The following SSB variants were observed in gnomAD, a reference collection of about 807,000 sequenced individuals.
The protein encoded by SSB is small RNA binding exonuclease protection factor La.
SSB carries 17 observed loss-of-function variants against 52.9 expected under a neutral mutation model. The ratio of observed to expected loss-of-function variants is 0.32; its 90% CI spans 0.22 to 0.48. The LOEUF (loss-of-function observed/expected upper bound fraction) is 0.48, where lower values mean the gene tolerates loss of function less well. Ranked by LOEUF, SSB falls within the 20% of genes least tolerant of loss-of-function variation. SSB has a pLI of 0.99. For missense variants in SSB, 314 were observed against 463.6 expected, an observed-to-expected ratio of 0.68 and a Z score of 2.96; for synonymous variants, 111 against 152.1, an observed-to-expected ratio of 0.73 and a Z score of 1.99.
intron 4 of SSB, 48 bp downstream of exon 4, chr2:169,805,887 G>A (rs1282473902): frequency 2.6e-6 from 4 of 1,544,698 alleles, no homozygotes; most frequent in Non-Finnish European, 3.5e-6. Flanking sequence ...TATTTAGAAA[G>A]TAAAGTACGG....
rs985359931 is a variant in SSB, at chr2:169,808,998, A to T, written c.669+96A>T. ...ACTTTTTCAAGAAAATACGTAAGCA[A>T]AGCTATCTATAGTTGTTATTGCATT... On this transcript the variant is annotated intron_variant, in intron 8 of 11. Coordinates refer to ENST00000260956, the MANE Select transcript of SSB (RefSeq NM_003142.5). 4 of 973,000 alleles carry T rather than the reference A, an allele frequency of 4.1e-6. No homozygotes were observed. In the African/African-American group the frequency reaches 6.4e-5, roughly 16 times the overall value. 60.3% of individuals were successfully genotyped at this position (973,000 alleles called of 1,614,324 possible).
chr2:169,804,801 C>G (rs980347151), intron 2 of SSB, among the ~76,000 whole-genome samples: 1 of 143,506 alleles, frequency 7.0e-6, no homozygotes, highest in Non-Finnish European at 1.5e-5. Context: ...GGATTACAGG[C>G]GTGCGGCACC....
At position 169,808,903 on chromosome 2, in the gene SSB, G is replaced by C; in HGVS notation, c.669+1G>C. The C allele has an allele frequency of 6.3e-7, 1 of 1,598,094 alleles. No individual in the cohort carries two copies. The highest frequency in any genetic ancestry group is 8.6e-7 in the Non-Finnish European group (1 of 1,165,982). On this transcript the variant is annotated splice_donor_variant, in intron 8 of 11. Transcript: ENST00000260956. LOFTEE classifies it high-confidence loss of function. ...AAAGTTAGAAGAAGATGCTGAAATG[G>C]TAAGTATATATTACTGCTATCTAGT...
At chr2:169,808,391 C>A in intron 6 of SSB, 91 bp from the exon 7 acceptor site, 2 of 971,722 alleles carry the variant, frequency 2.1e-6, no homozygotes, top group Non-Finnish European at 3.2e-6. Flanking sequence ...GTGCAACATT[C>A]ATTGCTGTGC....
At chr2:169,800,176 C>T (rs1278680085) in intron 1 of SSB, among the ~76,000 whole-genome samples, 1 of 152,114 alleles carries the variant, frequency 6.6e-6, no homozygotes, top group Non-Finnish European at 1.5e-5. Context: ...CATTTTTCAC[C>T]TTAAAGTTAT....
chr2:169,799,435 C>G (rs1239625172), intron 1 of SSB: 1 of 151,978 alleles, frequency 6.6e-6, no homozygotes, highest in Non-Finnish European at 1.5e-5. Context: ...AACTTTGGGC[C>G]GCAGATGTAC....
At chr2:169,803,264 A>C (rs1430799926) in intron 2 of SSB, among the ~76,000 whole-genome samples, 2 of 151,588 alleles carry the variant, frequency 1.3e-5, no homozygotes, top group Non-Finnish European at 2.9e-5. Flanking sequence ...TTATTTATTT[A>C]TTTATTTTTT....
In SSB at chr2:169,811,875, A is replaced by AT. The variant is rs34213273; in HGVS notation, c.*126dup. The AT allele has an allele frequency of 5.4e-4, 867 of 1,611,934 alleles. 5 individuals carry two copies. The African/African-American group carries it at 6.6e-3, about 12-fold the overall frequency. ...AATGTCCACCTGTGAGAAAGGAAAA[A>AT]TTTTTTTGTTGTTTAACTTGTCTTT... On this transcript the variant is annotated 3_prime_UTR_variant, in exon 12 of 12. Coordinates refer to ENST00000260956, the MANE Select transcript of SSB (RefSeq NM_003142.5).
intron 2 of SSB, among the ~76,000 whole-genome samples, chr2:169,803,176 G>A (rs1310348263): frequency 6.6e-6 from 1 of 152,126 alleles, no homozygotes; most frequent in African/African-American, 2.4e-5. Context: ...GGTGAAAAAT[G>A]CTGTCTCGTT....
At chr2:169,809,759 C>A (rs898076827) in intron 8 of SSB, among the ~76,000 whole-genome samples, 2 of 149,830 alleles carry the variant, frequency 1.3e-5, no homozygotes, top group African/African-American at 5.1e-5. Flanking sequence ...ACTACAGGCG[C>A]CTGCCACCAC....
At chr2:169,809,707 G>T (rs943912745) in intron 8 of SSB, among the ~76,000 whole-genome samples, 4 of 151,874 alleles carry the variant, frequency 2.6e-5, no homozygotes, top group African/African-American at 9.7e-5. Flanking sequence ...CCACCTCCCA[G>T]ATTCATGCCA....
At chr2:169,804,678 T>C (rs1441913542) in intron 2 of SSB, among the ~76,000 whole-genome samples, 2 of 152,086 alleles carry the variant, frequency 1.3e-5, no homozygotes, top group East Asian at 1.9e-4. Flanking sequence ...CCTGAGTAGC[T>C]GGGACTACAG....
At chr2:169,810,822 C>A in intron 9 of SSB, 36 bp from the exon 10 acceptor site, 1 of 1,553,622 alleles carries the variant, frequency 6.4e-7, no homozygotes, top group South Asian at 1.2e-5. Flanking sequence ...GACTAAAAAC[C>A]AAGGGTATGG....
At chr2:169,805,324 AT>A (rs1689807295) in intron 2 of SSB, 149 bp from the exon 3 acceptor site, 2 of 580,132 alleles carry the variant, frequency 3.4e-6, no homozygotes, top group African/African-American at 1.9e-5. Context: ...CTTTTTGCTA[AT>A]TTGTAAACAT....
chr2:169,807,111 A>C, intron 6 of SSB, 40 bp downstream of exon 6: 1 of 1,524,622 alleles, frequency 6.6e-7, no homozygotes, highest in Non-Finnish European at 9.1e-7. Context: ...CCTTTTACTT[A>C]TATGGACACA....
chr2:169,805,427 A>G lies in SSB; in HGVS notation c.67-47A>G, dbSNP rs543546602. The G allele has an allele frequency of 3.7e-6, 5 of 1,362,988 alleles. No homozygotes were observed. The East Asian group carries it at 1.1e-4, about 31-fold the overall frequency. The allele number at this position is 1,362,988 out of a possible 1,614,324, so 84.4% of individuals were successfully genotyped here. On this transcript the variant is annotated intron_variant, in intron 2 of 11. Transcript: ENST00000260956. ...TACTGTAGAGTAATGTCAGGATTGGAGTCCATATTATACAGTGTTCTGAAA... is the reference window on the plus strand; with the variant it reads ...TACTGTAGAGTAATGTCAGGATTGGGGTCCATATTATACAGTGTTCTGAAA...
In SSB at chr2:169,805,708, T is replaced by C. The variant is rs760356303; in HGVS notation, c.214T>C (p.Leu72=). ...TTDFNVIVEA[L]SKSKAELMEI... ...AGACTTTAATGTAATTGTGGAAGCA[T>C]TGAGCAAATCCAAGGCAGAACTCAT... is the stretch of plus-strand genomic sequence containing the variant. The change falls in exon 4 of 12, where the codon TTG becomes CTG. Residue 72 remains leucine (L), a synonymous_variant. Transcript: ENST00000260956. 17 of 1,613,948 alleles carry C rather than the reference T, an allele frequency of 1.1e-5. No individual in the cohort carries two copies. The highest frequency in any genetic ancestry group is 4.5e-5 in the East Asian group (2 of 44,874).
chr2:169,803,399 A>G (rs1689751239), intron 2 of SSB, among the ~76,000 whole-genome samples: 1 of 151,946 alleles, frequency 6.6e-6, no homozygotes, highest in African/African-American at 2.4e-5. Flanking sequence ...ATAGGTGCAC[A>G]CCACCATGCC....
intron 2 of SSB, among the ~76,000 whole-genome samples, chr2:169,804,737 G>A (rs564804786): frequency 7.4e-4 from 112 of 152,104 alleles, no homozygotes; most frequent in Non-Finnish European, 1.3e-3. Context: ...GTAGAGACGG[G>A]GTTTGACCAT....
Sources: gnomAD v4.1 joint callset for allele counts (sites outside exome capture counted in the v4.1 genomes callset) on GRCh38, gnomAD v4.1.1 for gene constraint, MANE v1.5 for transcripts, NCBI Gene and HGNC (gene_info 2026-07-23, HGNC 2026-07-21) for gene names.